Variants in PRKCZ observed in about 807,000 individuals in gnomAD.
PRKCZ encodes the protein protein kinase C zeta type.
A neutral mutation model predicts 79.5 loss-of-function variants in PRKCZ; 33 were observed. That is an observed-to-expected ratio of 0.41 (90% CI 0.31 to 0.55). PRKCZ has a LOEUF of 0.55. Ranked by LOEUF, PRKCZ falls within the 20% of genes least tolerant of loss-of-function variation. The pLI is 0.19. For missense variants in PRKCZ, 578 were observed against 813.5 expected (o/e 0.71, Z 3.52); for synonymous variants, 342 against 320.9 (o/e 1.07, Z -0.70).
intron 4 of PRKCZ, among the ~76,000 whole-genome samples, chr1:2,066,542 A>T (rs893754853): frequency 1.3e-5 from 2 of 152,190 alleles, no homozygotes; most frequent in Non-Finnish European, 2.9e-5. Context: ...GTGGTTTCAC[A>T]TGTTGGCCAG....
intron 7 of PRKCZ, among the ~76,000 whole-genome samples, chr1:2,148,540 C>A (rs1679192041): frequency 6.6e-6 from 1 of 152,220 alleles, no homozygotes; most frequent in Non-Finnish European, 1.5e-5. Flanking sequence ...CCCATCTAGT[C>A]ATCCTCCATC....
intron 4 of PRKCZ, among the ~76,000 whole-genome samples, chr1:2,116,028 T>C (rs1000122507): frequency 6.6e-6 from 1 of 152,202 alleles, no homozygotes; most frequent in African/African-American, 2.4e-5. Flanking sequence ...TTGGTCCTGC[T>C]GAAGACCAGC....
At chr1:2,170,214 C>T (rs572811180) in intron 11 of PRKCZ, among the ~76,000 whole-genome samples, 10 of 152,294 alleles carry the variant, frequency 6.6e-5, no homozygotes, top group African/African-American at 9.6e-5. Flanking sequence ...CCTTCCCTTT[C>T]ATCTCTGATA....
Position 2,088,713 on chromosome 1 carries a change from C to T in PRKCZ, c.334+29122C>T, listed in dbSNP as rs1272801845. On this transcript the variant is annotated intron_variant, in intron 4 of 17. Transcript: ENST00000378567. ...AAACCCAGGTCATGTGTGCACAGCT[C>T]AGCTGCCTGGAGGCCCCTCCCAGGC... Among the ~76,000 whole-genome samples, 3 of 152,194 alleles carry T rather than the reference C, an allele frequency of 2.0e-5. No individual in the cohort carries two copies. The East Asian group carries it at 5.8e-4, about 29-fold the overall frequency.
intron 16 of PRKCZ, 42 bp downstream of exon 16, chr1:2,175,355 C>T (rs773945330): frequency 4.6e-6 from 7 of 1,532,090 alleles, no homozygotes; most frequent in Admixed American, 1.8e-5. Context: ...ATCCCCATCC[C>T]AACCCCAAAT....
Position 2,173,809 on chromosome 1 carries a change from A to G in PRKCZ, c.1286-88A>G, listed in dbSNP as rs1374174572. The G allele has an allele frequency of 1.0e-5, 15 of 1,497,630 alleles. No homozygotes were observed. The highest frequency in any genetic ancestry group is 5.0e-5 in the East Asian group (2 of 39,984). The allele number at this position is 1,497,630 out of a possible 1,614,324, so 92.8% of individuals were successfully genotyped here. A position where few individuals can be genotyped will look rare whatever the true frequency, so the allele number is the denominator to read the frequency against. On this transcript the variant is annotated intron_variant, in intron 13 of 17. Coordinates refer to ENST00000378567, the MANE Select transcript of PRKCZ (RefSeq NM_002744.6). This position sits in a 1 kb window ranked among gnomAD's most constrained non-coding sequence, Gnocchi z 5.7. ...TCAAGCCTGGCTCACACTCGTGTCA[A>G]CTGGGCATGAAAACCAACGCCAGCC...
At chr1:2,160,275 G>T (rs1231454940) in intron 10 of PRKCZ, among the ~76,000 whole-genome samples, 1 of 150,964 alleles carries the variant, frequency 6.6e-6, no homozygotes, top group Non-Finnish European at 1.5e-5. Flanking sequence ...GTGTGTGTCA[G>T]TTATGCTTTG....
intron 4 of PRKCZ, among the ~76,000 whole-genome samples, chr1:2,105,279 A>G (rs567785098): frequency 6.6e-6 from 1 of 152,184 alleles, no homozygotes; most frequent in Non-Finnish European, 1.5e-5. Flanking sequence ...GAGGGCCTGC[A>G]GGGTGTTTGT....
At chr1:2,163,750 T>A (rs1403457723) in intron 10 of PRKCZ, among the ~76,000 whole-genome samples, 9 of 149,738 alleles carry the variant, frequency 6.0e-5, no homozygotes, top group African/African-American at 1.7e-4. Flanking sequence ...AAAAAAAAAA[T>A]TAGCCAGGTG....
At chr1:2,105,235 G>A (rs1668176711) in intron 4 of PRKCZ, among the ~76,000 whole-genome samples, 1 of 152,174 alleles carries the variant, frequency 6.6e-6, no homozygotes, top group Admixed American at 6.5e-5. Flanking sequence ...CCCAGCAGGT[G>A]ACCCCAGCAG....
Position 2,094,657 on chromosome 1 carries a change from G to A in PRKCZ, c.334+35066G>A, listed in dbSNP as rs1019715000. On this transcript the variant is annotated intron_variant, in intron 4 of 17. Coordinates refer to ENST00000378567, the MANE Select transcript of PRKCZ (RefSeq NM_002744.6). This position sits in a 1 kb window ranked among gnomAD's most constrained non-coding sequence, Gnocchi z 7.3. ...CTGAGGCGCCCGCTGTGCCCGGCTC[G>A]TTGAACCTTGGGCGCTGCCCGTTCT... Among the ~76,000 whole-genome samples the A allele has an allele frequency of 2.2e-5, 3 of 136,342 alleles. No homozygotes were observed. The highest frequency in any genetic ancestry group is 4.6e-5 in the Non-Finnish European group (3 of 65,028). The allele number at this position is 136,342 out of a possible 152,430, so 89.4% of individuals were successfully genotyped here.
Position 2,113,373 on chromosome 1 carries a change from G to A in PRKCZ, c.335-21889G>A, listed in dbSNP as rs149802412. On this transcript the variant is annotated intron_variant, in intron 4 of 17. Coordinates refer to ENST00000378567, the MANE Select transcript of PRKCZ (RefSeq NM_002744.6). The stretch of plus-strand genomic sequence containing the variant: ...GTATGTGCTCCTGCTGCTTCTACCT[G>A]ATGTCTCCCCATCTTGGGCTTTGAG... 2.7e-3 allele frequency among the ~76,000 whole-genome samples: 404 copies of A among 152,300 alleles called. 3 individuals carry two copies. The highest frequency in any genetic ancestry group is 9.2e-3 in the African/African-American group (383 of 41,566).
chr1:2,144,803 G>A (rs531140807), intron 6 of PRKCZ: 3 of 237,032 alleles, frequency 1.3e-5, no homozygotes, highest in Non-Finnish European at 1.4e-5. Context: ...CGCCATCCCC[G>A]AGTGCTTGGA....
rs1571992416 is a variant in PRKCZ, at chr1:2,172,621, C to T, written c.1285+233C>T. 3.3e-5 allele frequency among the ~76,000 whole-genome samples: 5 copies of T among 152,190 alleles called. No homozygotes were observed. In the South Asian group the frequency reaches 1.0e-3, roughly 31 times the overall value. ...AGGGCACTGCACAGGATTCCTCCTG[C>T]CAGGGAGCCCCGGGGCACAGGGAGG... On this transcript the variant is annotated intron_variant, in intron 13 of 17. Coordinates refer to ENST00000378567, the MANE Select transcript of PRKCZ (RefSeq NM_002744.6). This position sits in a 1 kb window ranked among gnomAD's most constrained non-coding sequence, Gnocchi z 7.8.
chr1:2,146,132 G>A (rs759003423), intron 7 of PRKCZ, 24 bp downstream of exon 7: 3 of 1,600,370 alleles, frequency 1.9e-6, no homozygotes, highest in Admixed American at 1.7e-5. Context: ...TCTTCCGGCC[G>A]GGTAGAGCCT....
At chr1:2,068,523 C>T (rs759897101) in intron 4 of PRKCZ, among the ~76,000 whole-genome samples, 2 of 152,156 alleles carry the variant, frequency 1.3e-5, no homozygotes, top group Admixed American at 6.5e-5. Context: ...TGGGGCCCAC[C>T]AGGGCAGTCC....
Position 2,135,272 on chromosome 1 carries a change from C to T in PRKCZ, c.345C>T (p.Tyr115=), listed in dbSNP as rs775950255. Reference sequence around the variant, plus strand: ...TCATATCCTTTCCAGAATCTATCTACCGCCGGGGAGCCAGAAGATGGAGGA... The same window carrying T: ...TCATATCCTTTCCAGAATCTATCTATCGCCGGGGAGCCAGAAGATGGAGGA... The part of the protein sequence containing the change: ...LPCPGEDKSI[Y]RRGARRWRKL... Residue 115 remains tyrosine, a synonymous_variant, in exon 5 of 18, where the codon TAC becomes TAT. Transcript: ENST00000378567. 14 of 1,612,798 alleles carry T rather than the reference C, an allele frequency of 8.7e-6. No homozygotes were observed. In the South Asian group the frequency reaches 1.3e-4, roughly 15 times the overall value.
At chr1:2,074,063 T>C (rs1285131864) in intron 4 of PRKCZ, 5 of 1,461,104 alleles carry the variant, frequency 3.4e-6, no homozygotes, top group Non-Finnish European at 4.5e-6. Context: ...TGCCGCTGCC[T>C]GTGCGCTGCA....
intron 9 of PRKCZ, 39 bp downstream of exon 9, chr1:2,151,017 C>T (rs778990639): frequency 1.5e-5 from 24 of 1,607,250 alleles, no homozygotes; most frequent in Admixed American, 1.0e-4. Context: ...GGCCCGGGAA[C>T]GCGCTGCCCT....
Sources: gnomAD v4.1 joint callset for allele counts (sites outside exome capture counted in the v4.1 genomes callset) on GRCh38, gnomAD v4.1.1 for gene constraint, Gnocchi (gnomAD v3.1) non-coding constraint, MANE v1.5 for transcripts, NCBI Gene and HGNC (gene_info 2026-07-23, HGNC 2026-07-21) for gene names.